The following ELL variants were observed in gnomAD, a reference collection of about 807,000 sequenced individuals.
ELL encodes the protein RNA polymerase II elongation factor ELL.
A neutral mutation model predicts 64.0 loss-of-function variants in ELL; 18 were observed. The observed-to-expected ratio is 0.28, with a 90% confidence interval of 0.19 to 0.42. The LOEUF (loss-of-function observed/expected upper bound fraction) is 0.42. Ranked by LOEUF, ELL falls within the 10% of genes least tolerant of loss-of-function variation. The pLI, the probability that ELL is intolerant of heterozygous loss-of-function variation, is 1.00. For synonymous variants in ELL, 399 were observed against 376.2 expected (o/e 1.06, Z -0.70); for missense variants, 797 against 870.4 (o/e 0.92, Z 1.06).
chr19:18,461,680 G>A lies in ELL; in HGVS notation c.642C>T (p.Leu214=). ...CCTTGCGGTAGGGCCGTAGTGCCAG[G>A]AGGTGCAGCACTCGGTCACGGAAGG... ...QRPFRDRVLH[L]LALRPYRKAE... Residue 214 remains leucine, a synonymous_variant, in exon 5 of 12, where the codon CTC becomes CTT. Coordinates refer to ENST00000262809, the MANE Select transcript of ELL (RefSeq NM_006532.4). 1 of 1,613,456 alleles carries A rather than the reference G, an allele frequency of 6.2e-7. No homozygotes were observed. Among genetic ancestry groups the A allele is most frequent in the East Asian group, 2.2e-5 (1 of 44,894 alleles).
At chr19:18,512,723 G>A (rs1246091590) in intron 1 of ELL, among the ~76,000 whole-genome samples, 3 of 152,188 alleles carry the variant, frequency 2.0e-5, no homozygotes, top group Admixed American at 2.0e-4. Context: ...GAGAGCAGCT[G>A]ACACCTCGTG....
intron 1 of ELL, among the ~76,000 whole-genome samples, chr19:18,510,145 A>G (rs1043840200): frequency 6.6e-6 from 1 of 152,216 alleles, no homozygotes. Context: ...AGGTGGGTGG[A>G]TCACTTGAGG....
At chr19:18,516,140 T>C (rs1262630010) in intron 1 of ELL, among the ~76,000 whole-genome samples, 1 of 151,774 alleles carries the variant, frequency 6.6e-6, no homozygotes, top group African/African-American at 2.4e-5. Flanking sequence ...TGAGAATGGA[T>C]CACAGGCTGA....
intron 5 of ELL, among the ~76,000 whole-genome samples, chr19:18,460,834 G>A (rs28489988): frequency 0.01 from 1,579 of 152,282 alleles, 30 homozygotes; most frequent in African/African-American, 0.035. Flanking sequence ...CCACAGCAGC[G>A]ATCCGAGGAG....
intron 1 of ELL, 76 bp from the exon 2 acceptor site, chr19:18,472,958 C>A: frequency 6.8e-7 from 1 of 1,470,986 alleles, no homozygotes. Flanking sequence ...AGACTCCCTC[C>A]CCAGGTATAG....
chr19:18,469,918 C>T lies in ELL; in HGVS notation c.183+2917G>A, dbSNP rs189421161. On this transcript the variant is annotated intron_variant, in intron 2 of 11. Transcript: ENST00000262809. ...GGCTGACTGGATCCATGAAGGAACA[C>T]CATCCAGGGGGCGTTCCGACAACGA... 7.9e-5 allele frequency among the ~76,000 whole-genome samples: 12 copies of T among 152,364 alleles called. No homozygotes were observed. The East Asian group carries it at 1.9e-3, about 24-fold the overall frequency.
At chr19:18,503,796 G>A (rs556565606) in intron 1 of ELL, among the ~76,000 whole-genome samples, 2 of 152,294 alleles carry the variant, frequency 1.3e-5, no homozygotes, top group African/African-American at 4.8e-5. Flanking sequence ...TCCCTCCTCA[G>A]GGAGCCTTCC....
In ELL at chr19:18,471,968, CTTTTTT is replaced by C. The variant is rs535096280; in HGVS notation, c.183+861_183+866del. ...TTCGTGGAAGACAATTTTTCTTTTT[CTTTTTT>C]TTTTTGAGACAGAGTTTCGCTCTTG... On this transcript the variant is annotated intron_variant, in intron 2 of 11. Coordinates refer to ENST00000262809, the MANE Select transcript of ELL (RefSeq NM_006532.4). Among the ~76,000 whole-genome samples the C allele has an allele frequency of 2.7e-5, 4 of 146,500 alleles. No homozygotes were observed. In the East Asian group the frequency reaches 7.9e-4, roughly 29 times the overall value.
At chr19:18,490,995 T>C (rs1412955472) in intron 1 of ELL, among the ~76,000 whole-genome samples, 1 of 152,186 alleles carries the variant, frequency 6.6e-6, no homozygotes, top group Admixed American at 6.5e-5. Context: ...GTGGTTAGGC[T>C]ACAGTATCCA....
At chr19:18,503,406 G>A (rs564952373) in intron 1 of ELL, among the ~76,000 whole-genome samples, 1 of 152,364 alleles carries the variant, frequency 6.6e-6, no homozygotes, top group East Asian at 1.9e-4. Context: ...GCAAGTGGGG[G>A]GCACGTCTGG....
intron 1 of ELL, among the ~76,000 whole-genome samples, chr19:18,509,594 CACATACACACACACACA>C (rs1975967635): frequency 2.6e-5 from 1 of 39,142 alleles, no homozygotes; most frequent in Non-Finnish European, 4.4e-5. Flanking sequence ...CGCGCGCGCG[CACATACACACACACACA>C]CACACACACA....
intron 1 of ELL, among the ~76,000 whole-genome samples, chr19:18,481,539 G>C (rs1434092429): frequency 1.3e-5 from 2 of 152,014 alleles, no homozygotes; most frequent in Non-Finnish European, 2.9e-5. Context: ...GACAAACAGG[G>C]ACCACCCAGA....
At chr19:18,487,866 G>C (rs1010167094) in intron 1 of ELL, among the ~76,000 whole-genome samples, 1 of 152,192 alleles carries the variant, frequency 6.6e-6, no homozygotes, top group African/African-American at 2.4e-5. Flanking sequence ...TTCAGAATCC[G>C]AACACTCAGG....
chr19:18,470,945 C>T (rs1313247108), intron 2 of ELL: 1 of 456,454 alleles, frequency 2.2e-6, no homozygotes, highest in Non-Finnish European at 4.4e-6. Context: ...CTCCTAGAGG[C>T]TCCATGTCTC....
rs1974509295 is a variant in ELL, at chr19:18,450,675, C to T, written c.1267G>A (p.Val423Met). ...GTCAGCAGGGGCAGGCCGAGGCGCA[C>T]AGTGGGGGCTGGGGCAGCCGCCTCT... ...HGEAAAPAPT[V>M]RLGLPLLTDC... The change falls in exon 8 of 12, where the codon GTG becomes ATG. Residue 423 changes from valine (V) to methionine (M), a missense_variant. Val to Met is a conservative substitution (Grantham distance 21, BLOSUM62 1). Transcript: ENST00000262809. 7 of 1,586,158 alleles carry T rather than the reference C, an allele frequency of 4.4e-6. No homozygotes were observed. Among genetic ancestry groups the T allele is most frequent in the Non-Finnish European group, 6.0e-6 (7 of 1,167,128 alleles).
chr19:18,468,027 A>C (rs2144924190), intron 2 of ELL, among the ~76,000 whole-genome samples: 1 of 137,290 alleles, frequency 7.3e-6, no homozygotes, highest in African/African-American at 2.7e-5. Flanking sequence ...CACACAACCC[A>C]CACATGCACA....
At chr19:18,477,849 C>T (rs1975211554) in intron 1 of ELL, among the ~76,000 whole-genome samples, 1 of 152,076 alleles carries the variant, frequency 6.6e-6, no homozygotes, top group Non-Finnish European at 1.5e-5. Context: ...ATAGAAAAGG[C>T]TTTTTTCTTA....
chr19:18,489,333 C>T (rs1430656240), intron 1 of ELL, among the ~76,000 whole-genome samples: 1 of 152,224 alleles, frequency 6.6e-6, no homozygotes, highest in Non-Finnish European at 1.5e-5. Context: ...CAGACAACCA[C>T]TTGACCGCGG....
rs568429579 is a variant in ELL at position 18,519,091 on chromosome 19, G to A, written c.135+2830C>T. ...TAAAAACTAAAAATAGGCCGGGCAC[G>A]GTTGGTCACGCCTGTAATCCCAGCA... On this transcript the variant is annotated intron_variant, in intron 1 of 11. Transcript: ENST00000262809. Among the ~76,000 whole-genome samples the A allele has an allele frequency of 1.2e-4, 18 of 152,130 alleles. No individual in the cohort carries two copies. The South Asian group carries it at 2.3e-3, about 19-fold the overall frequency.
Sources: allele counts gnomAD v4.1 joint callset (sites outside exome capture counted in the v4.1 genomes callset), GRCh38; gene constraint gnomAD v4.1.1; transcripts MANE v1.5; gene names NCBI Gene and HGNC (gene_info 2026-07-23, HGNC 2026-07-21).